ABCG1: variants seen among roughly 807,000 people sequenced by gnomAD.
ABCG1 encodes ATP-binding cassette sub-family G member 1.
A neutral mutation model predicts 69.2 loss-of-function variants in ABCG1; 29 were observed. The ratio of observed to expected loss-of-function variants is 0.42; its 90% CI spans 0.31 to 0.57. The LOEUF (loss-of-function observed/expected upper bound fraction) is 0.57. ABCG1 is among the 20% of genes least tolerant of loss of function. The pLI is 0.15. For synonymous variants in ABCG1, 370 were observed against 374.8 expected (o/e 0.99, Z 0.15); for missense variants, 718 against 898.1 (o/e 0.80, Z 2.56).
At position 42,291,501 on chromosome 21, in the gene ABCG1, A is replaced by T; in HGVS notation, c.1498A>T (p.Met500Leu). The T allele has an allele frequency of 6.2e-7, 1 of 1,608,008 alleles. No homozygotes were observed. Among genetic ancestry groups the T allele is most frequent in the Non-Finnish European group, 8.5e-7 (1 of 1,175,306 alleles). Residue 500 changes from methionine to leucine, a missense_variant, in exon 13 of 15, where the codon ATG (methionine) becomes TTG (leucine). Physicochemically the swap from Met to Leu is conservative, Grantham distance 15 (BLOSUM62 2). This residue lies in a region of ABCG1 where 204 missense variants were observed against 323.8 expected (regional missense o/e 0.63). Transcript: ENST00000398449. This position sits in a 1 kb window ranked among gnomAD's most constrained non-coding sequence, Gnocchi z 6.4. ...KTMADVPFQI[M>L]FPVAYCSIVY... is the part of the protein sequence containing the mutation. Reference sequence around the variant, plus strand: ...GCTGACGGGTCCTTGTTTCCAGATCATGTTCCCAGTGGCCTACTGCAGCAT... The same window carrying T: ...GCTGACGGGTCCTTGTTTCCAGATCTTGTTCCCAGTGGCCTACTGCAGCAT...
chr21:42,274,505 C>G (rs926782936), intron 4 of ABCG1, among the ~76,000 whole-genome samples: 2 of 141,606 alleles, frequency 1.4e-5, no homozygotes, highest in African/African-American at 5.4e-5. Context: ...GACAGAGTCT[C>G]GCTCTGTCAC....
chr21:42,224,424 C>T (rs73362719), intron 1 of ABCG1, among the ~76,000 whole-genome samples: 5,012 of 152,232 alleles, frequency 0.033, 287 homozygotes, highest in African/African-American at 0.11. Flanking sequence ...CTAAGGAAGG[C>T]GGATCCCTTG....
chr21:42,243,304 C>T (rs956783076), intron 2 of ABCG1, among the ~76,000 whole-genome samples: 8 of 152,122 alleles, frequency 5.3e-5, no homozygotes, highest in East Asian at 3.9e-4. Flanking sequence ...GTACCTTCCT[C>T]GGGGGTGGTG....
intron 2 of ABCG1, among the ~76,000 whole-genome samples, chr21:42,264,470 C>A (rs1170582726): frequency 6.7e-6 from 1 of 149,110 alleles, no homozygotes; most frequent in Non-Finnish European, 1.5e-5. Context: ...TTCATCTATT[C>A]ATCCATCTGT....
chr21:42,295,324 C>A (rs1415514565), intron 14 of ABCG1: 1 of 96,826 alleles, frequency 1.0e-5, no homozygotes, highest in Non-Finnish European at 1.9e-5. Flanking sequence ...GAGTGAGACT[C>A]CGTCTCAATA....
intron 5 of ABCG1, among the ~76,000 whole-genome samples, chr21:42,281,078 C>T (rs897828660): frequency 6.6e-6 from 1 of 152,230 alleles, no homozygotes; most frequent in African/African-American, 2.4e-5. Context: ...CTGGCCTGTC[C>T]AGCAGCCGTG....
chr21:42,283,325 T>C (rs539812573), intron 6 of ABCG1, among the ~76,000 whole-genome samples: 7 of 152,314 alleles, frequency 4.6e-5, no homozygotes, highest in African/African-American at 1.7e-4. Flanking sequence ...TTGAATAGCA[T>C]CTTGCAGGCT....
chr21:42,273,422 A>G lies in ABCG1; in HGVS notation c.524A>G (p.Gln175Arg), dbSNP rs2068652901. Residue 175 changes from glutamine to arginine, a missense_variant, in exon 4 of 15, where the codon CAG becomes CGG. By Grantham distance (43) the Gln-to-Arg change is conservative. Coordinates refer to ENST00000398449, the MANE Select transcript of ABCG1 (RefSeq NM_016818.3). The surrounding 1 kb of genome is among the most constrained non-coding windows in gnomAD (Gnocchi z 5.3). ...DDMLLPHLTV[Q>R]EAMMVSAHLK... Reference sequence around the variant, plus strand: ...ATGCTGCTGCCGCATCTCACTGTGCAGGAGGCCATGATGGTGAGCTCCGCC... The same window carrying G: ...ATGCTGCTGCCGCATCTCACTGTGCGGGAGGCCATGATGGTGAGCTCCGCC... The G allele has an allele frequency of 1.9e-6, 3 of 1,613,580 alleles. No individual in the cohort carries two copies. The African/African-American group carries it at 4.0e-5, about 22-fold the overall frequency.
upstream of ABCG1, among the ~76,000 whole-genome samples, chr21:42,213,730 T>C (rs2067611695): frequency 6.6e-6 from 1 of 152,244 alleles, no homozygotes; most frequent in Non-Finnish European, 1.5e-5. Flanking sequence ...TCAAAGAAGA[T>C]ATAATGCTTT....
At position 42,291,206 on chromosome 21, in the gene ABCG1, G is replaced by A; in HGVS notation, c.1494+14G>A. The A allele has an allele frequency of 1.9e-6, 3 of 1,604,066 alleles. No homozygotes were observed. The highest frequency in any genetic ancestry group is 2.6e-6 in the Non-Finnish European group (3 of 1,171,838). Reference sequence around the variant, plus strand: ...GTGCCCTTTCAGGTGTGTTAGCCAGGGGCTGGAATTTGAAACGGGGGCAAG... The same window carrying A: ...GTGCCCTTTCAGGTGTGTTAGCCAGAGGCTGGAATTTGAAACGGGGGCAAG... On this transcript the variant is annotated intron_variant, in intron 12 of 14. Coordinates refer to ENST00000398449, the MANE Select transcript of ABCG1 (RefSeq NM_016818.3). This position sits in a 1 kb window ranked among gnomAD's most constrained non-coding sequence, Gnocchi z 6.4.
chr21:42,265,180 C>G (rs944696858), intron 2 of ABCG1, among the ~76,000 whole-genome samples: 1 of 152,204 alleles, frequency 6.6e-6, no homozygotes, highest in Non-Finnish European at 1.5e-5. Flanking sequence ...GCCCTCACGT[C>G]CCTCATTCCT....
chr21:42,296,270 C>A lies in ABCG1; in HGVS notation c.1879C>A (p.Arg627=). 6.2e-7 allele frequency: 1 copy of A among 1,614,124 alleles called. No homozygotes were observed. Among genetic ancestry groups the A allele is most frequent in the Non-Finnish European group, 8.5e-7 (1 of 1,180,024 alleles). The change falls in exon 15 of 15, where the codon CGG becomes AGG. Residue 627 remains arginine (R), a synonymous_variant. Coordinates refer to ENST00000398449, the MANE Select transcript of ABCG1 (RefSeq NM_016818.3). This position sits in a 1 kb window ranked among gnomAD's most constrained non-coding sequence, Gnocchi z 5.4. ...CHFQKSEAIL[R]ELDVENAKLY... ...CTTCCAGAAGTCGGAGGCCATCCTG[C>A]GGGAGCTGGACGTGGAAAATGCCAA...
At chr21:42,247,000 T>C (rs1026668343) in intron 2 of ABCG1, among the ~76,000 whole-genome samples, 4 of 152,216 alleles carry the variant, frequency 2.6e-5, no homozygotes, top group South Asian at 4.1e-4. Context: ...TAAAGAAACT[T>C]TGTTTTACTT....
At chr21:42,265,527 C>G (rs76279872) in intron 2 of ABCG1, among the ~76,000 whole-genome samples, 9 of 152,120 alleles carry the variant, frequency 5.9e-5, no homozygotes, top group Admixed American at 1.3e-4. Context: ...GAGGCAGCCA[C>G]GAGTCAAGGA....
chr21:42,206,547 G>C (rs1817200), intron 2 of ABCG1, among the ~76,000 whole-genome samples: 2,172 of 152,152 alleles, frequency 0.014, 58 homozygotes, highest in African/African-American at 0.049. Flanking sequence ...ATATTGATTA[G>C]ATCCTATTGA....
chr21:42,226,308 C>CA (rs984946708), intron 2 of ABCG1, among the ~76,000 whole-genome samples: 16 of 152,298 alleles, frequency 1.1e-4, no homozygotes, highest in African/African-American at 3.9e-4. Context: ...AGGTGCCCCC[C>CA]TCCCAAGCGT....
upstream of ABCG1, among the ~76,000 whole-genome samples, chr21:42,214,912 G>C (rs978392679): frequency 2.0e-5 from 3 of 152,242 alleles, no homozygotes; most frequent in Non-Finnish European, 4.4e-5. Flanking sequence ...GCTGGGCAAA[G>C]GGGCAGAGGG....
chr21:42,290,624 G>A (rs2069038374), intron 11 of ABCG1, among the ~76,000 whole-genome samples: 1 of 151,930 alleles, frequency 6.6e-6, no homozygotes, highest in African/African-American at 2.4e-5. Context: ...TGTTCACAAG[G>A]AGACTGCCCT....
rs191334948 is a variant in ABCG1, at chr21:42,267,977, C to T, written c.287-3093C>T. Among the ~76,000 whole-genome samples, 1,003 of 151,984 alleles carry T rather than the reference C, an allele frequency of 6.6e-3. 8 individuals carry two copies. The highest frequency in any genetic ancestry group is 5.6e-3 in the Non-Finnish European group (378 of 67,978). ...GTTCTGGTCTGGCTGTTCTAGTCTG[C>T]GGCTCTGGTCTGGCCTGGGTTGTGT... On this transcript the variant is annotated intron_variant, in intron 2 of 14. Transcript: ENST00000398449.
Sources: gnomAD v4.1 joint callset for allele counts (sites outside exome capture counted in the v4.1 genomes callset) on GRCh38, gnomAD v4.1.1 for gene constraint, gnomAD v4.1.1 regional missense constraint, Gnocchi (gnomAD v3.1) non-coding constraint, MANE v1.5 for transcripts, NCBI Gene and HGNC (gene_info 2026-07-23, HGNC 2026-07-21) for gene names.